Variants in CAPN13 observed in about 807,000 individuals in gnomAD.
CAPN13 encodes the protein calpain 13.
CAPN13 carries 90 observed loss-of-function variants against 98.4 expected under a neutral mutation model. The ratio of observed to expected loss-of-function variants is 0.92; its 90% CI spans 0.77 to 1.09. The LOEUF is 1.09. Among genes scored for constraint, CAPN13 ranks in the 50% least tolerant of loss-of-function variants. CAPN13 has a pLI of 0.00. For missense variants in CAPN13, 887 were observed against 841.3 expected, an observed-to-expected ratio of 1.05 and a Z score of -0.67; for synonymous variants, 330 against 305.5, an observed-to-expected ratio of 1.08 and a Z score of -0.84.
At chr2:30,730,573 T>G (rs1671033566) in intron 22 of CAPN13, among the ~76,000 whole-genome samples, 157 bp downstream of exon 22, 1 of 152,150 alleles carries the variant, frequency 6.6e-6, no homozygotes, top group African/African-American at 2.4e-5. Flanking sequence ...GCCTTGAAAC[T>G]CAAGGGCCTT....
intron 2 of CAPN13, among the ~76,000 whole-genome samples, chr2:30,783,743 C>T (rs1558336815): frequency 6.6e-6 from 1 of 152,208 alleles, no homozygotes; most frequent in Non-Finnish European, 1.5e-5. Context: ...TCAGGAAAAA[C>T]TTAGAATGTG....
intron 18 of CAPN13, among the ~76,000 whole-genome samples, chr2:30,734,774 G>T (rs1339994585): frequency 6.6e-6 from 1 of 152,140 alleles, no homozygotes; most frequent in African/African-American, 2.4e-5. Flanking sequence ...CTGACACATA[G>T]GGCAGTTTTC....
intron 18 of CAPN13, among the ~76,000 whole-genome samples, chr2:30,735,267 G>C (rs2147953207): frequency 6.6e-6 from 1 of 152,266 alleles, no homozygotes; most frequent in East Asian, 1.9e-4. Context: ...ATTTTGCCTT[G>C]GATGAGGTGT....
rs1340858053 is a variant in CAPN13 at position 30,732,478 on chromosome 2, G to A, written c.1887C>T (p.Pro629=). 7.4e-6 allele frequency: 12 copies of A among 1,613,512 alleles called. No individual in the cohort carries two copies. Among genetic ancestry groups the A allele is most frequent in the Non-Finnish European group, 9.3e-6 (11 of 1,179,758 alleles). ...YSDSVGRVSF[P]SLVCFLMRLE... is the part of the protein sequence containing the mutation. ...GCCGCATCAGGAAGCAGACCAGGCT[G>A]GGGAAGCTGACCCTGCCGACGCTGT... The change falls in exon 20 of 23, where the codon CCC becomes CCT. Residue 629 remains proline, a synonymous_variant. Transcript: ENST00000295055.
intron 8 of CAPN13, among the ~76,000 whole-genome samples, chr2:30,754,609 AAG>A (rs920349527): frequency 2.4e-4 from 36 of 152,146 alleles, no homozygotes; most frequent in African/African-American, 8.2e-4. Context: ...CCACATTTCC[AAG>A]AGAGTCCCAT....
At chr2:30,801,265 G>A (rs1189575731) in intron 1 of CAPN13, among the ~76,000 whole-genome samples, 1 of 152,100 alleles carries the variant, frequency 6.6e-6, no homozygotes, top group Non-Finnish European at 1.5e-5. Flanking sequence ...ATTCTTAAAG[G>A]ATTTCCCTGG....
At chr2:30,790,249 C>T (rs946071070) in intron 1 of CAPN13, among the ~76,000 whole-genome samples, 2 of 152,186 alleles carry the variant, frequency 1.3e-5, no homozygotes, top group African/African-American at 4.8e-5. Context: ...GGGCTTTCTG[C>T]TTCTTTCCTC....
intron 2 of CAPN13, among the ~76,000 whole-genome samples, chr2:30,780,370 A>G (rs1673923018): frequency 6.6e-6 from 1 of 152,270 alleles, no homozygotes; most frequent in African/African-American, 2.4e-5. Context: ...ATTTGTTATC[A>G]TCGTATAGTA....
At chr2:30,738,491 A>G (rs771210181) in intron 15 of CAPN13, 34 bp from the exon 16 acceptor site, 4 of 1,579,198 alleles carry the variant, frequency 2.5e-6, no homozygotes, top group South Asian at 1.2e-5. Context: ...CAGGAATTAT[A>G]TCAGTGCCAG....
At chr2:30,754,171 T>C in intron 9 of CAPN13, 119 bp downstream of exon 9, 1 of 724,118 alleles carries the variant, frequency 1.4e-6, no homozygotes, top group Non-Finnish European at 2.1e-6. Context: ...ATAGGCTCCC[T>C]CTAAACAGGT....
chr2:30,736,955 C>T (rs191748068), intron 17 of CAPN13, among the ~76,000 whole-genome samples: 2 of 152,234 alleles, frequency 1.3e-5, no homozygotes, highest in Non-Finnish European at 2.9e-5. Context: ...TAGAGTCCTG[C>T]GTGCACAAGT....
intron 13 of CAPN13, 185 bp downstream of exon 13, chr2:30,743,198 G>C: frequency 3.2e-6 from 2 of 625,516 alleles, no homozygotes; most frequent in African/African-American, 3.7e-5. Context: ...TTGTGGTCTG[G>C]TTCTTGGTTC....
At chr2:30,732,673 A>G in intron 19 of CAPN13, 107 bp from the exon 20 acceptor site, 1 of 1,392,402 alleles carries the variant, frequency 7.2e-7, no homozygotes, top group Non-Finnish European at 9.6e-7. Context: ...ACCTCCCACC[A>G]ACTCCTCCCA....
intron 1 of CAPN13, among the ~76,000 whole-genome samples, chr2:30,801,640 GAAA>G (rs796293964): frequency 0.037 from 5,305 of 144,336 alleles, 438 homozygotes; most frequent in African/African-American, 0.13. Flanking sequence ...AGAAGAAGAA[GAAA>G]AAGAAAATGG....
At chr2:30,803,479 C>T (rs1232056142) in intron 1 of CAPN13, among the ~76,000 whole-genome samples, 1 of 152,172 alleles carries the variant, frequency 6.6e-6, no homozygotes, top group Non-Finnish European at 1.5e-5. Context: ...GGGCAGAGTG[C>T]TGCCAGAGGG....
chr2:30,737,558 G>A (rs1477482486), intron 17 of CAPN13: 1 of 153,608 alleles, frequency 6.5e-6, no homozygotes, highest in Admixed American at 6.4e-5. Flanking sequence ...GGCCTGGAGT[G>A]AGTCTCTGAA....
chr2:30,753,245 C>T (rs1261671169), intron 9 of CAPN13, 47 bp from the exon 10 acceptor site: 2 of 1,604,614 alleles, frequency 1.2e-6, no homozygotes, highest in Non-Finnish European at 1.7e-6. Flanking sequence ...GGTTGTGTCC[C>T]CAGGGTGGGG....
chr2:30,783,047 G>T (rs1674073738), intron 2 of CAPN13, among the ~76,000 whole-genome samples: 1 of 152,210 alleles, frequency 6.6e-6, no homozygotes, highest in African/African-American at 2.4e-5. Flanking sequence ...ATTGGATGGT[G>T]CTGATCTATT....
chr2:30,780,470 A>T (rs998552879), intron 2 of CAPN13, among the ~76,000 whole-genome samples: 11 of 152,256 alleles, frequency 7.2e-5, no homozygotes, highest in African/African-American at 2.7e-4. Flanking sequence ...AGGGAGAAAA[A>T]TTTGTATCCT....
Sources: gnomAD v4.1 joint callset for allele counts (sites outside exome capture counted in the v4.1 genomes callset) on GRCh38, gnomAD v4.1.1 for gene constraint, MANE v1.5 for transcripts, NCBI Gene and HGNC (gene_info 2026-07-23, HGNC 2026-07-21) for gene names.